PKNOX1: variants seen among roughly 807,000 people sequenced by gnomAD.
The protein encoded by PKNOX1 is homeobox protein PKNOX1.
Under a neutral mutation model 51.9 loss-of-function variants are expected in PKNOX1, and 15 were observed. The observed-to-expected ratio is 0.29, with a 90% confidence interval of 0.19 to 0.45. The LOEUF (loss-of-function observed/expected upper bound fraction) is 0.45. Ranked by LOEUF, PKNOX1 falls within the 20% of genes least tolerant of loss-of-function variation. The pLI is 1.00. For missense variants in PKNOX1, 462 were observed against 547.5 expected, an observed-to-expected ratio of 0.84 and a Z score of 1.56; for synonymous variants, 219 against 211.1, an observed-to-expected ratio of 1.04 and a Z score of -0.32.
chr21:42,992,795 T>C (rs1396932333), intron 1 of PKNOX1, among the ~76,000 whole-genome samples: 2 of 110,552 alleles, frequency 1.8e-5, no homozygotes, highest in African/African-American at 3.5e-5. Context: ...TGGGGGGTTC[T>C]CTCACAGCAC....
intron 8 of PKNOX1, among the ~76,000 whole-genome samples, chr21:43,022,789 A>G (rs1019564956): frequency 1.3e-5 from 2 of 152,174 alleles, no homozygotes; most frequent in African/African-American, 4.8e-5. Context: ...TTGATGGAGT[A>G]TCATATGCAT....
At chr21:42,998,805 T>C (rs1192406039) in intron 1 of PKNOX1, among the ~76,000 whole-genome samples, 1 of 152,214 alleles carries the variant, frequency 6.6e-6, no homozygotes, top group African/African-American at 2.4e-5. Flanking sequence ...CCCCTGTGGC[T>C]TTGCGGGATA....
At position 43,007,116 on chromosome 21, in the gene PKNOX1, A is replaced by G. The variant is rs181035466; in HGVS notation, c.52-375A>G. ...GTATGGGTTAGGTTGTGTCTGTGAC[A>G]TGGTAAGAAGACCTTGGACTATTTG... On this transcript the variant is annotated intron_variant, in intron 2 of 10. Coordinates refer to ENST00000291547, the MANE Select transcript of PKNOX1 (RefSeq NM_004571.5). 2.0e-4 allele frequency among the ~76,000 whole-genome samples: 30 copies of G among 152,306 alleles called. No homozygotes were observed. In the East Asian group the frequency reaches 4.4e-3, roughly 23 times the overall value.
chr21:43,006,504 T>TA (rs1238485718), intron 2 of PKNOX1, among the ~76,000 whole-genome samples: 3 of 152,238 alleles, frequency 2.0e-5, no homozygotes, highest in Admixed American at 6.5e-5. Context: ...GCTTTTATTT[T>TA]TTTTTTTTAA....
At chr21:43,012,933 T>A (rs933523106) in intron 4 of PKNOX1, 135 bp from the exon 5 acceptor site, 1 of 683,360 alleles carries the variant, frequency 1.5e-6, no homozygotes, top group Admixed American at 2.8e-5. Context: ...TTTAGAGGAT[T>A]TCTGATGTTA....
intron 1 of PKNOX1, among the ~76,000 whole-genome samples, chr21:42,987,425 ATATG>A (rs1290241239): frequency 7.4e-6 from 1 of 135,102 alleles, no homozygotes; most frequent in Non-Finnish European, 1.6e-5. Context: ...ATATATATAT[ATATG>A]TATACTCAGA....
chr21:42,998,793 C>T (rs139866440), intron 1 of PKNOX1, among the ~76,000 whole-genome samples: 98 of 152,312 alleles, frequency 6.4e-4, no homozygotes, highest in South Asian at 1.0e-3. Flanking sequence ...TGGGCATCTC[C>T]GCCCCTGTGG....
rs1048121360 is a variant in PKNOX1, at chr21:43,021,639, C to G, written c.849+208C>G. ...ATGAGGGCTGCCGTGAAGGAGCACC[C>G]GAGCACATGTGAGGCGTACACGTGT... On this transcript the variant is annotated intron_variant, in intron 8 of 10. Transcript: ENST00000291547. The surrounding 1 kb of genome is among the most constrained non-coding windows in gnomAD (Gnocchi z 4.6). Among the ~76,000 whole-genome samples the G allele has an allele frequency of 2.6e-5, 4 of 152,214 alleles. No homozygotes were observed. Among genetic ancestry groups the G allele is most frequent in the Non-Finnish European group, 5.9e-5 (4 of 68,042 alleles).
chr21:43,021,153 A>C lies in PKNOX1; in HGVS notation c.721-150A>C, dbSNP rs1004726317. On this transcript the variant is annotated intron_variant, in intron 7 of 10. Coordinates refer to ENST00000291547, the MANE Select transcript of PKNOX1 (RefSeq NM_004571.5). This position sits in a 1 kb window ranked among gnomAD's most constrained non-coding sequence, Gnocchi z 4.6. ...CATGTGGAGGGAGCCGTGTCCTGAA[A>C]CATCAGTCCACACAGGGTTCCCGTG... is the stretch of plus-strand genomic sequence containing the variant. The C allele has an allele frequency of 2.0e-5, 11 of 543,334 alleles. No homozygotes were observed. The highest frequency in any genetic ancestry group is 3.2e-5 in the Non-Finnish European group (10 of 310,234). The allele number at this position is 543,334 out of a possible 1,614,324, so 33.7% of individuals were successfully genotyped here.
Position 42,984,974 on chromosome 21 carries a change from C to CTTTT in PKNOX1, c.-57+10334_-57+10337dup, listed in dbSNP as rs71195904. On this transcript the variant is annotated intron_variant, in intron 1 of 10. Transcript: ENST00000291547. ...GGGTTAGGGTTCCTCATTTTCTTTT[C>CTTTT]TTTTTTTTTTTTTTTTTTTTTTTTT... 6.8e-3 allele frequency among the ~76,000 whole-genome samples: 393 copies of CTTTT among 57,970 alleles called. 12 individuals carry two copies. Among genetic ancestry groups the CTTTT allele is most frequent in the Non-Finnish European group, 9.4e-3 (320 of 33,906 alleles). The allele number at this position is 57,970 out of a possible 152,430, so 38.0% of individuals were successfully genotyped here.
At chr21:42,976,296 A>G (rs991856534) in intron 1 of PKNOX1, among the ~76,000 whole-genome samples, 1 of 152,254 alleles carries the variant, frequency 6.6e-6, no homozygotes. Context: ...TGCTAAAAAT[A>G]CTAATGATCA....
intron 1 of PKNOX1, among the ~76,000 whole-genome samples, chr21:42,995,200 G>T (rs1978445733): frequency 6.6e-6 from 1 of 152,064 alleles, no homozygotes; most frequent in Non-Finnish European, 1.5e-5. Flanking sequence ...GGGATTACAG[G>T]TGTGAACCAC....
At position 43,004,441 on chromosome 21, in the gene PKNOX1, G is replaced by C. The variant is rs976629507; in HGVS notation, c.51+9G>C. 2 of 1,583,836 alleles carry C rather than the reference G, an allele frequency of 1.3e-6. No homozygotes were observed. The highest frequency in any genetic ancestry group is 1.7e-6 in the Non-Finnish European group (2 of 1,152,532). On this transcript the variant is annotated intron_variant, in intron 2 of 10. Transcript: ENST00000291547. ...ATCAAGATGGGCAACAGGTGAGCTT[G>C]AACTTGATTCTGCATTCTAATTACA...
At chr21:43,024,726 G>T in intron 8 of PKNOX1, 145 bp from the exon 9 acceptor site, 1 of 614,846 alleles carries the variant, frequency 1.6e-6, no homozygotes, top group Non-Finnish European at 2.9e-6. Context: ...CTTTGTTCGT[G>T]AGACTACAGT....
chr21:42,996,001 G>T (rs1005714208), intron 1 of PKNOX1, among the ~76,000 whole-genome samples: 1 of 151,912 alleles, frequency 6.6e-6, no homozygotes, highest in African/African-American at 2.4e-5. Flanking sequence ...ATAGCTTGAG[G>T]CCAGGAGCTT....
Position 43,029,424 on chromosome 21 carries a change from G to GTTTTTTTTTTTTTTTTTTTTTTTTTT in PKNOX1, c.1100-445_1100-444insTTTTTTTTTTTTTTTTTTTTTTTTTT, listed in dbSNP as rs138486584. 1.4e-4 allele frequency among the ~76,000 whole-genome samples: 9 copies of GTTTTTTTTTTTTTTTTTTTTTTTTTT among 63,290 alleles called. 1 individual carries two copies. Among genetic ancestry groups the GTTTTTTTTTTTTTTTTTTTTTTTTTT allele is most frequent in the South Asian group, 6.7e-4 (1 of 1,492 alleles). 41.5% of individuals were successfully genotyped at this position (63,290 alleles called of 152,430 possible). On this transcript the variant is annotated intron_variant, in intron 10 of 10. Transcript: ENST00000291547. ...TTATTTTTTTTTATTTGTTTGCTTT[G>GTTTTTTTTTTTTTTTTTTTTTTTTTT]TTTTTTTTTTTTTTTTTTTTTGAGA... is the stretch of plus-strand genomic sequence containing the variant.
chr21:43,023,882 G>A (rs1480062195), intron 8 of PKNOX1, among the ~76,000 whole-genome samples: 1 of 151,718 alleles, frequency 6.6e-6, no homozygotes, highest in Non-Finnish European at 1.5e-5. Flanking sequence ...CCAAAGTACT[G>A]GGATTACAGG....
intron 4 of PKNOX1, among the ~76,000 whole-genome samples, chr21:43,010,578 G>A (rs574808472): frequency 1.3e-5 from 2 of 152,138 alleles, no homozygotes; most frequent in East Asian, 3.9e-4. Flanking sequence ...TAGGCCAGGC[G>A]TGGTGGCTCA....
At position 42,994,416 on chromosome 21, in the gene PKNOX1, A is replaced by G. The variant is rs572986038; in HGVS notation, c.-56-9910A>G. 1.6e-4 allele frequency among the ~76,000 whole-genome samples: 5 copies of G among 30,608 alleles called. No individual in the cohort carries two copies. In the East Asian group the frequency reaches 4.3e-3, roughly 26 times the overall value. 20.1% of individuals were successfully genotyped at this position (30,608 alleles called of 152,430 possible). A position where few individuals can be genotyped will look rare whatever the true frequency, so the allele number is the denominator to read the frequency against. ...GGTCTTGAACTCCTGGCCTCAAGTG[A>G]TCCACCCACATTGGCTTCCCAAAAT... On this transcript the variant is annotated intron_variant, in intron 1 of 10. Transcript: ENST00000291547.
Sources: allele counts gnomAD v4.1 joint callset (sites outside exome capture counted in the v4.1 genomes callset), GRCh38; gene constraint gnomAD v4.1.1; non-coding constraint Gnocchi (gnomAD v3.1); transcripts MANE v1.5; gene names NCBI Gene and HGNC (gene_info 2026-07-23, HGNC 2026-07-21).